ALCAM: variants seen among roughly 807,000 people sequenced by gnomAD.
The protein encoded by ALCAM is CD166 antigen.
A neutral mutation model predicts 70.9 loss-of-function variants in ALCAM; 30 were observed. That is an observed-to-expected ratio of 0.42 (90% confidence interval 0.32 to 0.57). The LOEUF is 0.57. Ranked by LOEUF, ALCAM falls within the 20% of genes least tolerant of loss-of-function variation. The pLI is 0.11. For synonymous variants in ALCAM, 249 were observed against 242.5 expected, an observed-to-expected ratio of 1.03 and a Z score of -0.25; for missense variants, 591 against 695.1, an observed-to-expected ratio of 0.85 and a Z score of 1.68.
intron 1 of ALCAM, among the ~76,000 whole-genome samples, chr3:105,410,981 G>A (rs905342970): frequency 5.3e-5 from 8 of 151,948 alleles, no homozygotes; most frequent in African/African-American, 1.9e-4. Flanking sequence ...TTCTATACTT[G>A]TGTATACCAT....
chr3:105,395,556 A>G lies in ALCAM; in HGVS notation c.73+28075A>G, dbSNP rs558895682. On this transcript the variant is annotated intron_variant, in intron 1 of 15. Transcript: ENST00000306107. Reference sequence around the variant, plus strand: ...TCCCATGAAAATATGCTTTTCTTTTACTATTAAGTTAAAAGCAATTAATTC... The same window carrying G: ...TCCCATGAAAATATGCTTTTCTTTTGCTATTAAGTTAAAAGCAATTAATTC... Among the ~76,000 whole-genome samples the G allele has an allele frequency of 1.4e-4, 21 of 152,072 alleles. No individual in the cohort carries two copies. In the South Asian group the frequency reaches 4.1e-3, roughly 30 times the overall value.
At chr3:105,407,232 C>T (rs1936260408) in intron 1 of ALCAM, among the ~76,000 whole-genome samples, 1 of 149,910 alleles carries the variant, frequency 6.7e-6, no homozygotes, top group East Asian at 2.0e-4. Context: ...AATACCAAAA[C>T]CAGAGAAGGA....
chr3:105,468,703 CATAAAG>C (rs1937823818), intron 1 of ALCAM, among the ~76,000 whole-genome samples: 1 of 151,190 alleles, frequency 6.6e-6, no homozygotes, highest in Admixed American at 6.6e-5. Flanking sequence ...ACCAAGAGTA[CATAAAG>C]ATAATGTCCA....
rs946073250 is a variant in ALCAM at position 105,386,640 on chromosome 3, G to C, written c.73+19159G>C. Among the ~76,000 whole-genome samples, 7 of 150,534 alleles carry C rather than the reference G, an allele frequency of 4.7e-5. No individual in the cohort carries two copies. The East Asian group carries it at 1.2e-3, about 25-fold the overall frequency. ...CTGCTTCCTGACAGTCTAGACTTGG[G>C]CTTGTCATTATACCACCATAAATAT... On this transcript the variant is annotated intron_variant, in intron 1 of 15. Transcript: ENST00000306107.
chr3:105,501,831 A>G (rs1057276807), intron 1 of ALCAM, among the ~76,000 whole-genome samples: 3 of 152,244 alleles, frequency 2.0e-5, no homozygotes, highest in Non-Finnish European at 4.4e-5. Context: ...GTGCCTGCCA[A>G]TACTTAAAAC....
At chr3:105,397,485 A>G (rs1421010954) in intron 1 of ALCAM, among the ~76,000 whole-genome samples, 2 of 151,910 alleles carry the variant, frequency 1.3e-5, no homozygotes, top group Non-Finnish European at 2.9e-5. Flanking sequence ...GTATAGAGAT[A>G]ATAGATTTAA....
At chr3:105,532,145 G>A (rs1939855916) in intron 4 of ALCAM, 79 bp downstream of exon 4, 3 of 1,220,064 alleles carry the variant, frequency 2.5e-6, no homozygotes, top group Non-Finnish European at 3.6e-6. Context: ...TCCAAGACAA[G>A]TAAGAAAGGC....
intron 1 of ALCAM, among the ~76,000 whole-genome samples, chr3:105,458,396 T>C (rs1374252492): frequency 6.6e-6 from 1 of 152,190 alleles, no homozygotes; most frequent in East Asian, 1.9e-4. Flanking sequence ...CACCTGTACC[T>C]GGGCCAAAGG....
chr3:105,566,431 A>G (rs543946389), intron 14 of ALCAM, among the ~76,000 whole-genome samples: 17 of 152,180 alleles, frequency 1.1e-4, no homozygotes, highest in Non-Finnish European at 2.2e-4. Context: ...AACCTTTGTA[A>G]TTACAAAATA....
chr3:105,541,204 TCTTC>T (rs1179830838), intron 7 of ALCAM, among the ~76,000 whole-genome samples: 2 of 151,626 alleles, frequency 1.3e-5, no homozygotes, highest in Non-Finnish European at 2.9e-5. Context: ...TTTCATCCTT[TCTTC>T]CTTTTTACTT....
intron 6 of ALCAM, among the ~76,000 whole-genome samples, chr3:105,537,282 G>A (rs1939994987): frequency 6.6e-6 from 1 of 152,056 alleles, no homozygotes; most frequent in Non-Finnish European, 1.5e-5. Flanking sequence ...TCCTGCGATG[G>A]ATTTCAAAGT....
In ALCAM at chr3:105,425,401, G is replaced by A. The variant is rs115588874; in HGVS notation, c.73+57920G>A. Reference sequence around the variant, plus strand: ...AGTGGAACCTCTCAGTCTTTCAAAGGAGACTCCTGCATTGGGCATTGGAGA... The same window carrying A: ...AGTGGAACCTCTCAGTCTTTCAAAGAAGACTCCTGCATTGGGCATTGGAGA... On this transcript the variant is annotated intron_variant, in intron 1 of 15. Transcript: ENST00000306107. 2.1e-3 allele frequency among the ~76,000 whole-genome samples: 323 copies of A among 151,820 alleles called. 3 individuals are homozygous for A. Among genetic ancestry groups the A allele is most frequent in the African/African-American group, 7.5e-3 (309 of 41,460 alleles).
At chr3:105,448,822 C>T in intron 1 of ALCAM, among the ~76,000 whole-genome samples, 1 of 152,306 alleles carries the variant, frequency 6.6e-6, no homozygotes, top group South Asian at 2.1e-4. Flanking sequence ...TGATGAGCAT[C>T]CACAGGCACA....
At chr3:105,459,248 T>C (rs139759934) in intron 1 of ALCAM, among the ~76,000 whole-genome samples, 1 of 152,266 alleles carries the variant, frequency 6.6e-6, no homozygotes, top group East Asian at 1.9e-4. Flanking sequence ...TTAAGACTCA[T>C]CTCCTCTGTA....
intron 1 of ALCAM, among the ~76,000 whole-genome samples, chr3:105,372,188 TC>T (rs1191669421): frequency 6.6e-6 from 1 of 152,106 alleles, no homozygotes; most frequent in Non-Finnish European, 1.5e-5. Context: ...AAATAGATAT[TC>T]TATATTCAGG....
At chr3:105,547,361 A>T in intron 10 of ALCAM, 29 bp from the exon 11 acceptor site, 1 of 1,592,306 alleles carries the variant, frequency 6.3e-7, no homozygotes, top group East Asian at 2.2e-5. Context: ...ATCTCAGTTC[A>T]ACATCTTATT....
At chr3:105,470,878 A>G (rs542862257) in intron 1 of ALCAM, among the ~76,000 whole-genome samples, 1 of 151,454 alleles carries the variant, frequency 6.6e-6, no homozygotes, top group Non-Finnish European at 1.5e-5. Flanking sequence ...AATTTTAAAA[A>G]TGTTTTCCTC....
At chr3:105,458,429 G>T (rs1430487495) in intron 1 of ALCAM, among the ~76,000 whole-genome samples, 4 of 152,154 alleles carry the variant, frequency 2.6e-5, no homozygotes, top group Admixed American at 2.6e-4. Flanking sequence ...AGCATGCAGA[G>T]AAATGTAAAA....
intron 1 of ALCAM, among the ~76,000 whole-genome samples, chr3:105,507,544 T>G (rs1025701651): frequency 6.6e-6 from 1 of 152,202 alleles, no homozygotes; most frequent in Non-Finnish European, 1.5e-5. Flanking sequence ...CAGACTGGCT[T>G]CTTTTACTTC....
Sources: gnomAD v4.1 joint callset for allele counts (sites outside exome capture counted in the v4.1 genomes callset) on GRCh38, gnomAD v4.1.1 for gene constraint, MANE v1.5 for transcripts, NCBI Gene and HGNC (gene_info 2026-07-23, HGNC 2026-07-21) for gene names.